The following ZMAT4 variants were observed in gnomAD, a reference collection of about 807,000 sequenced individuals.
ZMAT4 encodes the protein zinc finger matrin-type 4.
A neutral mutation model predicts 28.7 loss-of-function variants in ZMAT4; 17 were observed. The observed-to-expected ratio is 0.59, with a 90% confidence interval of 0.41 to 0.89. ZMAT4 has a LOEUF of 0.89. ZMAT4 is among the 40% of genes least tolerant of loss of function. The pLI, the probability that ZMAT4 is intolerant of heterozygous loss-of-function variation, is 0.00. For synonymous variants in ZMAT4, 117 were observed against 109.2 expected (o/e 1.07, Z -0.44); for missense variants, 240 against 283.8 (o/e 0.85, Z 1.11).
In ZMAT4 at chr8:40,795,393, CT is replaced by C. The variant is rs1455369718; in HGVS notation, c.103-27664del. Among the ~76,000 whole-genome samples, 18 of 152,298 alleles carry C rather than the reference CT, an allele frequency of 1.2e-4. No individual in the cohort carries two copies. In the East Asian group the frequency reaches 3.5e-3, roughly 29 times the overall value. On this transcript the variant is annotated intron_variant, in intron 2 of 6. Coordinates refer to ENST00000297737, the MANE Select transcript of ZMAT4 (RefSeq NM_024645.3). ...CACGAATTAAAAGCTGTACTGGATC[CT>C]TATGAATACCATGATCACCAGACCA... is the stretch of plus-strand genomic sequence containing the variant.
At chr8:40,563,681 C>T (rs1401622776) in intron 6 of ZMAT4, among the ~76,000 whole-genome samples, 3 of 152,020 alleles carry the variant, frequency 2.0e-5, no homozygotes, top group Non-Finnish European at 4.4e-5. Context: ...GAAATTATTC[C>T]ACATGCATGA....
intron 5 of ZMAT4, among the ~76,000 whole-genome samples, chr8:40,616,883 TAAAAA>T (rs11288576): frequency 1.2e-4 from 13 of 110,168 alleles, no homozygotes; most frequent in African/African-American, 3.6e-4. Flanking sequence ...AATTAAAGTA[TAAAAA>T]AAAAAAAAAA....
At chr8:40,593,096 T>C (rs899151176) in intron 5 of ZMAT4, among the ~76,000 whole-genome samples, 11 of 152,238 alleles carry the variant, frequency 7.2e-5, no homozygotes, top group African/African-American at 1.9e-4. Context: ...TGAAAATTCA[T>C]AGATACGAAA....
At chr8:40,794,224 T>C (rs988722015) in intron 2 of ZMAT4, among the ~76,000 whole-genome samples, 3 of 152,118 alleles carry the variant, frequency 2.0e-5, no homozygotes, top group Admixed American at 6.5e-5. Context: ...GTAAGATGCT[T>C]TTAGGAAGAA....
intron 1 of ZMAT4, among the ~76,000 whole-genome samples, chr8:40,837,723 AT>A (rs1482593181): frequency 6.6e-6 from 1 of 152,162 alleles, no homozygotes; most frequent in Non-Finnish European, 1.5e-5. Flanking sequence ...TCGATTTCTC[AT>A]TTGAACAGAG....
intron 4 of ZMAT4, among the ~76,000 whole-genome samples, chr8:40,679,015 A>G (rs1290458256): frequency 6.6e-6 from 1 of 152,164 alleles, no homozygotes; most frequent in African/African-American, 2.4e-5. Context: ...TCAGCCCCAA[A>G]TATTTTCAAC....
At chr8:40,619,765 G>A (rs1157258350) in intron 5 of ZMAT4, among the ~76,000 whole-genome samples, 1 of 152,222 alleles carries the variant, frequency 6.6e-6, no homozygotes, top group Non-Finnish European at 1.5e-5. Flanking sequence ...CAGAGGCTCT[G>A]AAGGTGATTC....
chr8:40,716,312 C>A (rs556496599), intron 3 of ZMAT4, among the ~76,000 whole-genome samples: 2 of 152,138 alleles, frequency 1.3e-5, no homozygotes, highest in African/African-American at 2.4e-5. Context: ...ATCAAGCCCT[C>A]GGAGAGAGTC....
chr8:40,617,793 C>T (rs1274305882), intron 5 of ZMAT4, among the ~76,000 whole-genome samples: 1 of 152,100 alleles, frequency 6.6e-6, no homozygotes, highest in African/African-American at 2.4e-5. Context: ...TTACGAAGGG[C>T]AAGATGATGT....
chr8:40,579,609 A>T (rs1804385673), intron 6 of ZMAT4, among the ~76,000 whole-genome samples: 1 of 152,114 alleles, frequency 6.6e-6, no homozygotes, highest in Non-Finnish European at 1.5e-5. Context: ...TTGGGTTTAA[A>T]TTTTCTCACC....
At chr8:40,564,635 A>C (rs1449669013) in intron 6 of ZMAT4, among the ~76,000 whole-genome samples, 2 of 152,212 alleles carry the variant, frequency 1.3e-5, no homozygotes, top group African/African-American at 4.8e-5. Context: ...AAATCACATC[A>C]TAAGGCAGGG....
chr8:40,798,174 A>G (rs1291210841), intron 2 of ZMAT4, among the ~76,000 whole-genome samples: 2 of 152,176 alleles, frequency 1.3e-5, no homozygotes, highest in African/African-American at 4.8e-5. Flanking sequence ...GTGATCTAGG[A>G]AAGTCTTCAA....
At chr8:40,696,543 A>C (rs897255012) in intron 4 of ZMAT4, among the ~76,000 whole-genome samples, 1 of 152,214 alleles carries the variant, frequency 6.6e-6, no homozygotes, top group Non-Finnish European at 1.5e-5. Flanking sequence ...TTAAATTATA[A>C]CAGTGTTTTA....
intron 1 of ZMAT4, among the ~76,000 whole-genome samples, chr8:40,865,003 A>C (rs1250412679): frequency 6.6e-6 from 1 of 152,174 alleles, no homozygotes; most frequent in Non-Finnish European, 1.5e-5. Context: ...GACATTGCAC[A>C]CAGCCCAGAA....
intron 2 of ZMAT4, among the ~76,000 whole-genome samples, chr8:40,804,667 A>T (rs10808945): frequency 2.0e-5 from 3 of 151,468 alleles, no homozygotes; most frequent in Non-Finnish European, 2.9e-5. Context: ...TGGAGAAACC[A>T]GGTCTCTCTG....
At chr8:40,692,063 T>C (rs1190166948) in intron 4 of ZMAT4, among the ~76,000 whole-genome samples, 2 of 152,196 alleles carry the variant, frequency 1.3e-5, no homozygotes, top group African/African-American at 4.8e-5. Context: ...TATAGACACT[T>C]AACTGCCTAT....
chr8:40,834,556 G>A (rs562653840), intron 1 of ZMAT4, among the ~76,000 whole-genome samples: 2 of 152,030 alleles, frequency 1.3e-5, no homozygotes, highest in South Asian at 2.1e-4. Flanking sequence ...TTTACTATAC[G>A]GCTGGTGCTG....
chr8:40,721,717 C>A (rs992324676), intron 3 of ZMAT4, among the ~76,000 whole-genome samples: 14 of 152,042 alleles, frequency 9.2e-5, no homozygotes, highest in Admixed American at 3.3e-4. Flanking sequence ...ATTTGCATTT[C>A]CCTGATGGCC....
chr8:40,712,570 G>A (rs1810671511), intron 3 of ZMAT4, among the ~76,000 whole-genome samples: 1 of 152,128 alleles, frequency 6.6e-6, no homozygotes, highest in African/African-American at 2.4e-5. Flanking sequence ...TAGCAGTCAG[G>A]GTGGGGAAGG....
Sources: allele counts gnomAD v4.1 joint callset (sites outside exome capture counted in the v4.1 genomes callset), GRCh38; gene constraint gnomAD v4.1.1; transcripts MANE v1.5; gene names NCBI Gene and HGNC (gene_info 2026-07-23, HGNC 2026-07-21).